The following FILIP1 variants were observed in gnomAD, a reference collection of about 807,000 sequenced individuals.
The protein encoded by FILIP1 is filamin A interacting protein 1.
Under a neutral mutation model 102.1 loss-of-function variants are expected in FILIP1, and 61 were observed. That is an observed-to-expected ratio of 0.60 (90% confidence interval 0.49 to 0.74). FILIP1 has a LOEUF of 0.74. FILIP1 is among the 30% of genes least tolerant of loss of function. FILIP1 has a pLI of 0.00. For missense variants in FILIP1, 1,314 were observed against 1,441.2 expected, an observed-to-expected ratio of 0.91 and a Z score of 1.43; for synonymous variants, 491 against 526.9, an observed-to-expected ratio of 0.93 and a Z score of 0.93.
chr6:75,437,426 C>G (rs1023393659), intron 1 of FILIP1, among the ~76,000 whole-genome samples: 1 of 152,078 alleles, frequency 6.6e-6, no homozygotes, highest in South Asian at 2.1e-4. Flanking sequence ...AAGCTTAGTT[C>G]ATAAGAATAT....
chr6:75,299,649 C>A (rs1772781561), intron 6 of FILIP1, among the ~76,000 whole-genome samples: 1 of 152,014 alleles, frequency 6.6e-6, no homozygotes, highest in Non-Finnish European at 1.5e-5. Context: ...CCAGTGTTAC[C>A]TTGACGTTTT....
At position 75,313,888 on chromosome 6, in the gene FILIP1, C is replaced by A. The variant is rs750141526; in HGVS notation, c.1944G>T (p.Val648=). 15 of 1,613,860 alleles carry A rather than the reference C, an allele frequency of 9.3e-6. No homozygotes were observed. The highest frequency in any genetic ancestry group is 1.7e-5 in the Admixed American group (1 of 59,956). The part of the protein sequence containing the change: ...RLKKRLQQLE[V]VEGDLMKTED... ...CTGTCTTCATCAAATCCCCTTCGACCACTTCCAATTGTTGGAGACGTTTCT... is the reference window on the plus strand; with the variant it reads ...CTGTCTTCATCAAATCCCCTTCGACAACTTCCAATTGTTGGAGACGTTTCT... The change falls in exon 5 of 6, where the codon GTG becomes GTT. Residue 648 remains valine, a synonymous_variant. Coordinates refer to ENST00000237172, the MANE Select transcript of FILIP1 (RefSeq NM_015687.5). The surrounding 1 kb of genome is among the most constrained non-coding windows in gnomAD (Gnocchi z 4.2).
chr6:75,320,036 T>C (rs1012528857), intron 4 of FILIP1: 1 of 278,778 alleles, frequency 3.6e-6, no homozygotes, highest in Admixed American at 3.9e-5. Flanking sequence ...CCGGCTCTCA[T>C]TTGCCCCGGT....
intron 5 of FILIP1, among the ~76,000 whole-genome samples, chr6:75,312,051 G>A (rs976070003): frequency 3.3e-5 from 5 of 151,770 alleles, no homozygotes; most frequent in African/African-American, 9.7e-5. Flanking sequence ...CATTTCCCCC[G>A]TCTCCATTCA....
chr6:75,352,611 C>T (rs1051375197), intron 4 of FILIP1, among the ~76,000 whole-genome samples: 3 of 152,076 alleles, frequency 2.0e-5, no homozygotes, highest in Non-Finnish European at 2.9e-5. Flanking sequence ...AAAAGTTATG[C>T]AGCCCTTAGA....
intron 1 of FILIP1, among the ~76,000 whole-genome samples, chr6:75,441,734 C>T (rs1271210364): frequency 2.1e-5 from 3 of 142,236 alleles, no homozygotes; most frequent in Non-Finnish European, 3.1e-5. Flanking sequence ...CCCTCCCGGA[C>T]GGGGCGGCTG....
chr6:75,320,924 C>T (rs1429311728), intron 4 of FILIP1, among the ~76,000 whole-genome samples: 1 of 152,202 alleles, frequency 6.6e-6, no homozygotes, highest in Non-Finnish European at 1.5e-5. Context: ...GGCTGAACAA[C>T]CTCTATTTAA....
chr6:75,404,812 T>C (rs1055544443), intron 2 of FILIP1, among the ~76,000 whole-genome samples: 4 of 152,130 alleles, frequency 2.6e-5, no homozygotes, highest in African/African-American at 9.7e-5. Context: ...CAAAACCAAG[T>C]TCAACCCAAA....
At chr6:75,435,295 T>G (rs937512997) in intron 1 of FILIP1, among the ~76,000 whole-genome samples, 38 of 152,208 alleles carry the variant, frequency 2.5e-4, no homozygotes, top group Admixed American at 9.8e-4. Context: ...CAAAATTATA[T>G]CATAGGTACA....
chr6:75,460,239 A>G (rs1180128262), intron 1 of FILIP1, among the ~76,000 whole-genome samples: 1 of 152,176 alleles, frequency 6.6e-6, no homozygotes, highest in African/African-American at 2.4e-5. Context: ...TAGAACCCTC[A>G]AAGTATTTTT....
At chr6:75,344,674 C>T (rs1289546458) in intron 4 of FILIP1, among the ~76,000 whole-genome samples, 1 of 152,232 alleles carries the variant, frequency 6.6e-6, no homozygotes, top group Non-Finnish European at 1.5e-5. Flanking sequence ...TTGTCAACTT[C>T]TCTAACTGGT....
chr6:75,488,084 C>A (rs1779844589), intron 1 of FILIP1, among the ~76,000 whole-genome samples: 1 of 152,028 alleles, frequency 6.6e-6, no homozygotes, highest in Non-Finnish European at 1.5e-5. Context: ...ATAAATCACC[C>A]AATATTATGC....
chr6:75,480,332 TC>T (rs1779616474), intron 1 of FILIP1, among the ~76,000 whole-genome samples: 1 of 152,180 alleles, frequency 6.6e-6, no homozygotes. Context: ...TCCACTATTT[TC>T]CCTTGATCTC....
intron 2 of FILIP1, among the ~76,000 whole-genome samples, chr6:75,395,470 G>C (rs1776430078): frequency 2.0e-5 from 3 of 151,972 alleles, no homozygotes; most frequent in Non-Finnish European, 4.4e-5. Context: ...GTAGAGACAG[G>C]GTTTCACCAT....
chr6:75,299,685 A>G (rs1225080915), intron 6 of FILIP1, among the ~76,000 whole-genome samples: 1 of 152,190 alleles, frequency 6.6e-6, no homozygotes, highest in African/African-American at 2.4e-5. Flanking sequence ...TTCAGGTAAC[A>G]CATTAAATGC....
chr6:75,410,025 A>G (rs1192011325), intron 2 of FILIP1, among the ~76,000 whole-genome samples: 1 of 152,194 alleles, frequency 6.6e-6, no homozygotes, highest in Non-Finnish European at 1.5e-5. Flanking sequence ...CCACTTGGCC[A>G]GCCTTGTGTT....
intron 4 of FILIP1, among the ~76,000 whole-genome samples, chr6:75,331,645 G>A (rs78577644): frequency 0.016 from 2,386 of 152,092 alleles, 69 homozygotes; most frequent in African/African-American, 0.055. Context: ...GTTGTCAGGC[G>A]TATAACCCAT....
chr6:75,486,802 C>A (rs550788793), intron 1 of FILIP1, among the ~76,000 whole-genome samples: 2 of 152,050 alleles, frequency 1.3e-5, no homozygotes, highest in Admixed American at 6.6e-5. Flanking sequence ...TAGTAATATT[C>A]TCAAGTATAT....
intron 1 of FILIP1, among the ~76,000 whole-genome samples, chr6:75,452,378 G>A (rs924930637): frequency 2.0e-5 from 3 of 151,734 alleles, no homozygotes; most frequent in Admixed American, 6.6e-5. Flanking sequence ...TTGTCCTTGC[G>A]ATAGTTTGCT....
Sources: allele counts gnomAD v4.1 joint callset (sites outside exome capture counted in the v4.1 genomes callset), GRCh38; gene constraint gnomAD v4.1.1; non-coding constraint Gnocchi (gnomAD v3.1); transcripts MANE v1.5; gene names NCBI Gene and HGNC (gene_info 2026-07-23, HGNC 2026-07-21).